The following AQR variants were observed in gnomAD, a reference collection of about 807,000 sequenced individuals.
The protein encoded by AQR is aquarius intron-binding spliceosomal factor.
Under a neutral mutation model 180.5 loss-of-function variants are expected in AQR, and 61 were observed. The observed-to-expected ratio is 0.34, with a 90% CI of 0.28 to 0.42. AQR has a LOEUF of 0.42. AQR is among the 10% of genes least tolerant of loss of function. The pLI is 1.00. For synonymous variants in AQR, 551 were observed against 588.8 expected, an observed-to-expected ratio of 0.94 and a Z score of 0.93; for missense variants, 1,281 against 1,798.3, an observed-to-expected ratio of 0.71 and a Z score of 5.20.
intron 13 of AQR, 74 bp from the exon 14 acceptor site, chr15:34,920,508 A>T (rs1229946458): frequency 8.6e-7 from 1 of 1,165,616 alleles, no homozygotes. Flanking sequence ...ATTTTTACAA[A>T]TAGCTTAAAA....
chr15:34,894,500 T>G (rs1019506078), intron 22 of AQR, among the ~76,000 whole-genome samples: 1 of 152,146 alleles, frequency 6.6e-6, no homozygotes, highest in Non-Finnish European at 1.5e-5. Flanking sequence ...GTGGTTTTTG[T>G]TTTTGTTTTT....
intron 6 of AQR, among the ~76,000 whole-genome samples, chr15:34,943,639 T>C (rs990686534): frequency 6.6e-6 from 1 of 152,122 alleles, no homozygotes; most frequent in African/African-American, 2.4e-5. Flanking sequence ...ACTCCATGCA[T>C]TCCTCCTGCA....
intron 33 of AQR, among the ~76,000 whole-genome samples, chr15:34,861,261 T>C (rs938282437): frequency 1.3e-5 from 2 of 152,230 alleles, no homozygotes; most frequent in Admixed American, 6.5e-5. Context: ...TTTTGATTAA[T>C]GGTCATTTTC....
At chr15:34,888,380 TTAAAAGA>T (rs1331570246) in intron 24 of AQR, among the ~76,000 whole-genome samples, 1 of 151,738 alleles carries the variant, frequency 6.6e-6, no homozygotes, top group Non-Finnish European at 1.5e-5. Context: ...ATTATTACAC[TTAAAAGA>T]TAAAGAATTA....
chr15:34,909,224 A>G (rs1337323304), intron 17 of AQR, among the ~76,000 whole-genome samples: 1 of 152,188 alleles, frequency 6.6e-6, no homozygotes, highest in Admixed American at 6.5e-5. Context: ...CCAAGAAGGT[A>G]AAAGGAGGTA....
chr15:34,919,910 C>T (rs540702063), intron 14 of AQR, among the ~76,000 whole-genome samples: 1 of 150,996 alleles, frequency 6.6e-6, no homozygotes, highest in Non-Finnish European at 1.5e-5. Flanking sequence ...AAAAACAAAA[C>T]AAACAAACAA....
At chr15:34,868,893 C>T (rs1163056346) in intron 31 of AQR, 2 of 152,130 alleles carry the variant, frequency 1.3e-5, no homozygotes, top group African/African-American at 4.8e-5. Flanking sequence ...TGTCCACTCA[C>T]CTTTTCATGA....
chr15:34,939,504 T>C (rs924328254), intron 8 of AQR, among the ~76,000 whole-genome samples: 1 of 152,222 alleles, frequency 6.6e-6, no homozygotes, highest in African/African-American at 2.4e-5. Context: ...AGATGAACAA[T>C]ATTATATTTT....
In AQR at chr15:34,915,198, T is replaced by C; in HGVS notation, c.1343-19A>G. 1.3e-6 allele frequency: 2 copies of C among 1,557,398 alleles called. No homozygotes were observed. The highest frequency in any genetic ancestry group is 1.7e-6 in the Non-Finnish European group (2 of 1,159,752). ...AGACAACCTGAAAAGGAAAAAAACATCCATATTTCAATTTTTTTTTTTTTT... is the reference window on the plus strand; with the variant it reads ...AGACAACCTGAAAAGGAAAAAAACACCCATATTTCAATTTTTTTTTTTTTT... On this transcript the variant is annotated intron_variant, in intron 15 of 34. Transcript: ENST00000156471.
intron 4 of AQR, among the ~76,000 whole-genome samples, chr15:34,949,807 A>AC (rs2140502443): frequency 6.8e-6 from 1 of 146,438 alleles, no homozygotes; most frequent in South Asian, 2.2e-4. Context: ...AAAAAAAAAA[A>AC]AAAAAACCAC....
intron 32 of AQR, 169 bp from the exon 33 acceptor site, chr15:34,863,210 CAAGTAA>C (rs1479424085): frequency 3.5e-6 from 2 of 577,674 alleles, no homozygotes; most frequent in Admixed American, 3.2e-5. Context: ...ACTAATAAAC[CAAGTAA>C]AAGTTAAGGC....
At chr15:34,945,448 C>T (rs1246631864) in intron 5 of AQR, among the ~76,000 whole-genome samples, 1 of 152,234 alleles carries the variant, frequency 6.6e-6, no homozygotes, top group Non-Finnish European at 1.5e-5. Flanking sequence ...CTACCTTCTA[C>T]ATCTCTGTAT....
chr15:34,875,571 C>T (rs1283359391), intron 28 of AQR, among the ~76,000 whole-genome samples: 2 of 151,438 alleles, frequency 1.3e-5, no homozygotes, highest in African/African-American at 4.8e-5. Flanking sequence ...AAGCAATGCA[C>T]TCAGTGAAAA....
At chr15:34,943,642 C>T (rs1007250315) in intron 6 of AQR, among the ~76,000 whole-genome samples, 2 of 152,018 alleles carry the variant, frequency 1.3e-5, no homozygotes, top group Admixed American at 6.5e-5. Context: ...CCATGCATTC[C>T]TCCTGCATGG....
chr15:34,938,795 TCTC>T lies in AQR; in HGVS notation c.657_659del (p.Arg220del), dbSNP rs1893980817. The T allele has an allele frequency of 1.9e-6, 3 of 1,608,972 alleles. No individual in the cohort carries two copies. The highest frequency in any genetic ancestry group is 2.5e-6 in the Non-Finnish European group (3 of 1,176,494). ...ACTTCTGGATGAGTTGTGAAAGAAATCTCCTCTCTTGATATGCCCTAAAATCAG... is the reference window on the plus strand; with the variant it reads ...ACTTCTGGATGAGTTGTGAAAGAAATCTCTCTTGATATGCCCTAAAATCAG... On this transcript the variant is annotated inframe_deletion, in exon 9 of 35. Coordinates refer to ENST00000156471, the MANE Select transcript of AQR (RefSeq NM_014691.3).
intron 21 of AQR, 27 bp from the exon 22 acceptor site, chr15:34,896,993 G>A (rs751076199): frequency 5.8e-6 from 9 of 1,559,090 alleles, no homozygotes; most frequent in Admixed American, 1.7e-5. Context: ...ATAAAAAGTT[G>A]GTACAGATAA....
intron 15 of AQR, among the ~76,000 whole-genome samples, chr15:34,917,027 C>T (rs1239377677): frequency 6.6e-6 from 1 of 152,132 alleles, no homozygotes; most frequent in Non-Finnish European, 1.5e-5. Flanking sequence ...CTGGTTACAG[C>T]TTCTTCCCTT....
intron 8 of AQR, among the ~76,000 whole-genome samples, chr15:34,939,993 A>T (rs1197489928): frequency 6.6e-6 from 1 of 152,218 alleles, no homozygotes. Context: ...TATCCCAATC[A>T]TTACATAAAC....
At chr15:34,932,547 C>T in intron 10 of AQR, 113 bp from the exon 11 acceptor site, 1 of 721,880 alleles carries the variant, frequency 1.4e-6, no homozygotes, top group Non-Finnish European at 2.3e-6. Context: ...TACCCTCCAA[C>T]CTTCCAATAG....
Sources: gnomAD v4.1 joint callset for allele counts (sites outside exome capture counted in the v4.1 genomes callset) on GRCh38, gnomAD v4.1.1 for gene constraint, MANE v1.5 for transcripts, NCBI Gene and HGNC (gene_info 2026-07-23, HGNC 2026-07-21) for gene names.